Variants in ANKS1B observed in about 807,000 individuals in gnomAD.
ANKS1B encodes ankyrin repeat and sterile alpha motif domain-containing protein 1B.
A neutral mutation model predicts 148.3 loss-of-function variants in ANKS1B; 36 were observed. The observed-to-expected ratio is 0.24, with a 90% CI of 0.19 to 0.32. ANKS1B has a LOEUF of 0.32. ANKS1B is among the 10% of genes least tolerant of loss of function. The pLI, the probability that ANKS1B is intolerant of heterozygous loss-of-function variation, is 1.00. For synonymous variants in ANKS1B, 542 were observed against 560.8 expected (o/e 0.97, Z 0.47); for missense variants, 1,157 against 1,542.6 (o/e 0.75, Z 4.19).
At chr12:99,654,207 G>C (rs2098439203) in intron 9 of ANKS1B, among the ~76,000 whole-genome samples, 2 of 152,154 alleles carry the variant, frequency 1.3e-5, no homozygotes, top group Admixed American at 1.3e-4. Context: ...ATCAAATTAT[G>C]ATACAGACAT....
chr12:99,623,387 T>C (rs1392879165), intron 9 of ANKS1B, among the ~76,000 whole-genome samples: 1 of 151,948 alleles, frequency 6.6e-6, no homozygotes, highest in East Asian at 1.9e-4. Flanking sequence ...TTCAACATAG[T>C]ACTGGATGAC....
At chr12:99,203,134 A>G (rs957359951) in intron 14 of ANKS1B, among the ~76,000 whole-genome samples, 3 of 152,202 alleles carry the variant, frequency 2.0e-5, no homozygotes, top group Non-Finnish European at 2.9e-5. Context: ...TAATGTAACA[A>G]CTACACCTAC....
At chr12:99,548,735 T>A (rs1482695412) in intron 9 of ANKS1B, among the ~76,000 whole-genome samples, 1 of 152,160 alleles carries the variant, frequency 6.6e-6, no homozygotes, top group Admixed American at 6.6e-5. Flanking sequence ...TAGTGCTCTT[T>A]GCCTTTGTTT....
At chr12:99,580,574 G>A (rs2097560704) in intron 9 of ANKS1B, among the ~76,000 whole-genome samples, 1 of 152,082 alleles carries the variant, frequency 6.6e-6, no homozygotes, top group Non-Finnish European at 1.5e-5. Context: ...GTAGAATGGT[G>A]GCTACCAGAG....
intron 9 of ANKS1B, among the ~76,000 whole-genome samples, chr12:99,627,125 G>A (rs2098118300): frequency 6.6e-6 from 1 of 152,096 alleles, no homozygotes; most frequent in African/African-American, 2.4e-5. Flanking sequence ...CCTTGAAGTT[G>A]ATTTGAAATA....
rs137876682 is a variant in ANKS1B, at chr12:99,392,931, A to C, written c.1756+6700T>G. ...CAGATTTTCAAATTAAAATGTTCAAAACTGAGATTTCCCCATCTCCACTAA... is the reference window on the plus strand; with the variant it reads ...CAGATTTTCAAATTAAAATGTTCAACACTGAGATTTCCCCATCTCCACTAA... On this transcript the variant is annotated intron_variant, in intron 12 of 26. Coordinates refer to ENST00000683438, the MANE Select transcript of ANKS1B (RefSeq NM_001352186.2). Among the ~76,000 whole-genome samples, 1,032 of 152,184 alleles carry C rather than the reference A, an allele frequency of 6.8e-3. 17 individuals are homozygous for C. The highest frequency in any genetic ancestry group is 0.024 in the African/African-American group (987 of 41,490).
chr12:99,058,439 G>C (rs2153548593), intron 16 of ANKS1B, among the ~76,000 whole-genome samples: 1 of 151,960 alleles, frequency 6.6e-6, no homozygotes, highest in East Asian at 1.9e-4. Context: ...GTTGAGACCA[G>C]GGTTTCACCG....
intron 15 of ANKS1B, among the ~76,000 whole-genome samples, chr12:99,112,430 A>G (rs913207522): frequency 6.6e-6 from 1 of 151,378 alleles, no homozygotes; most frequent in Non-Finnish European, 1.5e-5. Context: ...CTGATACTAG[A>G]TGCACAAATA....
chr12:99,309,832 T>C (rs1016697596), intron 12 of ANKS1B, among the ~76,000 whole-genome samples: 1 of 152,108 alleles, frequency 6.6e-6, no homozygotes, highest in African/African-American at 2.4e-5. Flanking sequence ...ACAAACAGCA[T>C]TCATTTTGGC....
At chr12:99,334,760 T>TA (rs2088418972) in intron 12 of ANKS1B, among the ~76,000 whole-genome samples, 2 of 152,098 alleles carry the variant, frequency 1.3e-5, no homozygotes, top group Non-Finnish European at 1.5e-5. Flanking sequence ...ATGAGCAACT[T>TA]AAAAAAGCAT....
chr12:99,682,066 A>G (rs77320561), intron 8 of ANKS1B, among the ~76,000 whole-genome samples: 3,261 of 152,306 alleles, frequency 0.021, 129 homozygotes, highest in African/African-American at 0.075. Context: ...ACAGGAAAAT[A>G]TCACAATCCA....
chr12:99,059,806 T>TATATATA (rs10526013), intron 16 of ANKS1B, among the ~76,000 whole-genome samples: 9 of 144,674 alleles, frequency 6.2e-5, no homozygotes, highest in East Asian at 4.2e-4. Context: ...TATATATATA[T>TATATATA]GATAGGACGT....
intron 17 of ANKS1B, among the ~76,000 whole-genome samples, chr12:98,849,564 G>A (rs1040008477): frequency 6.6e-6 from 1 of 152,116 alleles, no homozygotes; most frequent in Admixed American, 6.5e-5. Flanking sequence ...CCTAAAAAAA[G>A]ACTGCATTTG....
At chr12:99,217,814 A>C (rs920756018) in intron 14 of ANKS1B, among the ~76,000 whole-genome samples, 1 of 152,224 alleles carries the variant, frequency 6.6e-6, no homozygotes, top group Admixed American at 6.5e-5. Context: ...TCCAATCCTT[A>C]TAACAAATCT....
chr12:99,289,723 T>G (rs896748748), intron 12 of ANKS1B, among the ~76,000 whole-genome samples: 1 of 151,654 alleles, frequency 6.6e-6, no homozygotes, highest in African/African-American at 2.4e-5. Context: ...TTGAAACAAA[T>G]GAAAATGGAA....
intron 1 of ANKS1B, among the ~76,000 whole-genome samples, chr12:99,905,634 A>G (rs1405606078): frequency 6.6e-6 from 1 of 152,234 alleles, no homozygotes; most frequent in Non-Finnish European, 1.5e-5. Context: ...TCTAAAGGCC[A>G]GAAGTCTGAG....
At chr12:98,817,148 A>G (rs2099148210) in intron 19 of ANKS1B, among the ~76,000 whole-genome samples, 1 of 152,250 alleles carries the variant, frequency 6.6e-6, no homozygotes, top group South Asian at 2.1e-4. Flanking sequence ...AATGAAGTGC[A>G]TTCCTTCTTC....
At chr12:99,419,756 T>C (rs1235933501) in intron 11 of ANKS1B, among the ~76,000 whole-genome samples, 1 of 152,072 alleles carries the variant, frequency 6.6e-6, no homozygotes, top group Non-Finnish European at 1.5e-5. Flanking sequence ...GCAGCCTCAA[T>C]CTCCTGGGCT....
At chr12:99,585,646 G>A (rs2153231489) in intron 9 of ANKS1B, among the ~76,000 whole-genome samples, 1 of 152,286 alleles carries the variant, frequency 6.6e-6, no homozygotes, top group South Asian at 2.1e-4. Context: ...ACTTCTGCCT[G>A]GACATCCAGA....
Sources: allele counts gnomAD v4.1 joint callset (sites outside exome capture counted in the v4.1 genomes callset), GRCh38; gene constraint gnomAD v4.1.1; transcripts MANE v1.5; gene names NCBI Gene and HGNC (gene_info 2026-07-23, HGNC 2026-07-21).